Variants in SCN9A observed in about 807,000 individuals in gnomAD.
The protein encoded by SCN9A is sodium channel protein type 9 subunit alpha.
A neutral mutation model predicts 187.0 loss-of-function variants in SCN9A; 131 were observed. That is an observed-to-expected ratio of 0.70 (90% CI 0.61 to 0.81). The LOEUF is 0.81. Among genes scored for constraint, SCN9A ranks in the 30% least tolerant of loss-of-function variants. The pLI, the probability that SCN9A is intolerant of heterozygous loss-of-function variation, is 0.00. For synonymous variants in SCN9A, 809 were observed against 808.6 expected (o/e 1.00, Z -0.01); for missense variants, 2,252 against 2,396.6 (o/e 0.94, Z 1.26).
chr2:166,213,493 A>G (rs1281249337), intron 24 of SCN9A, among the ~76,000 whole-genome samples: 1 of 147,440 alleles, frequency 6.8e-6, no homozygotes, highest in Non-Finnish European at 1.5e-5. Flanking sequence ...TAATAATAAT[A>G]ATGATAATGA....
chr2:166,367,435 G>C (rs1700444346), intron 1 of SCN9A, among the ~76,000 whole-genome samples: 1 of 151,784 alleles, frequency 6.6e-6, no homozygotes, highest in Non-Finnish European at 1.5e-5. Flanking sequence ...GATAGTTTTT[G>C]TATTTTTTTT....
chr2:166,204,918 A>C (rs1463609484), intron 24 of SCN9A: 1 of 152,486 alleles, frequency 6.6e-6, no homozygotes, highest in Admixed American at 6.5e-5. Flanking sequence ...CAATTACTAC[A>C]AAGAGAATAA....
At position 166,212,462 on chromosome 2, in the gene SCN9A, C is replaced by T. The variant is rs191451774; in HGVS notation, c.4399-7998G>A. On this transcript the variant is annotated intron_variant, in intron 24 of 26. Transcript: ENST00000642356. ...ATAACAATTATAAATATATGTGAAT[C>T]CATCATCAAAGCATGTAAATACGTA... 2.6e-3 allele frequency among the ~76,000 whole-genome samples: 395 copies of T among 152,264 alleles called. 1 individual carries two copies. The highest frequency in any genetic ancestry group is 4.9e-3 in the Non-Finnish European group (333 of 68,010).
intron 21 of SCN9A, 22 bp downstream of exon 21, chr2:166,233,318 A>T (rs1434825729): frequency 1.4e-6 from 2 of 1,471,562 alleles, no homozygotes; most frequent in Non-Finnish European, 9.0e-7. Context: ...TAAGAACATT[A>T]TAAAGTTTAG....
At chr2:166,325,211 T>C (rs986510352) in intron 1 of SCN9A, among the ~76,000 whole-genome samples, 2 of 152,118 alleles carry the variant, frequency 1.3e-5, no homozygotes, top group Admixed American at 1.3e-4. Flanking sequence ...ATCAGGTAAA[T>C]GCATTGCCAT....
At chr2:166,332,409 T>C (rs1699527044) in intron 1 of SCN9A, among the ~76,000 whole-genome samples, 1 of 152,190 alleles carries the variant, frequency 6.6e-6, no homozygotes. Context: ...TCAATATCTT[T>C]GCTTAATATG....
At chr2:166,269,483 T>C (rs574128401) in intron 17 of SCN9A, among the ~76,000 whole-genome samples, 3 of 152,144 alleles carry the variant, frequency 2.0e-5, no homozygotes, top group Admixed American at 6.6e-5. Flanking sequence ...AGAAATTCCA[T>C]TGAGCTATAA....
At chr2:166,238,911 A>T (rs1227089971) in intron 19 of SCN9A, among the ~76,000 whole-genome samples, 1 of 152,212 alleles carries the variant, frequency 6.6e-6, no homozygotes, top group Non-Finnish European at 1.5e-5. Context: ...GGTGCTTCCT[A>T]TGCTTTCCAA....
chr2:166,315,881 A>G (rs1574918331), intron 1 of SCN9A, among the ~76,000 whole-genome samples: 1 of 152,136 alleles, frequency 6.6e-6, no homozygotes, highest in Non-Finnish European at 1.5e-5. Flanking sequence ...AGGAGTTTTC[A>G]TTAGTCAGGC....
Position 166,204,199 on chromosome 2 carries a change from G to C in SCN9A, c.4530C>G (p.Asp1510Glu). Residue 1510 changes from aspartate to glutamate, a missense_variant, in exon 26 of 27, where the codon GAC becomes GAG. By Grantham distance (45) the Asp-to-Glu change is conservative. Coordinates refer to ENST00000642356, the MANE Select transcript of SCN9A (RefSeq NM_001365536.1). ...PGNKIQGCIFDLVTNQAFDIS... is the reference protein window; with the variant it reads ...PGNKIQGCIFELVTNQAFDIS... ...TATCAAAGGCTTGATTTGTCACTAGGTCAAATATACATCCTTGGATTTTGT... is the reference window on the plus strand; with the variant it reads ...TATCAAAGGCTTGATTTGTCACTAGCTCAAATATACATCCTTGGATTTTGT... The C allele has an allele frequency of 6.2e-7, 1 of 1,611,986 alleles. No homozygotes were observed. Among genetic ancestry groups the C allele is most frequent in the Non-Finnish European group, 8.5e-7 (1 of 1,178,760 alleles).
At chr2:166,371,240 G>A (rs1359909778) in intron 1 of SCN9A, among the ~76,000 whole-genome samples, 3 of 152,132 alleles carry the variant, frequency 2.0e-5, no homozygotes, top group South Asian at 2.1e-4. Context: ...TGGAAAGAAC[G>A]GTTTTCTCTA....
At position 166,306,536 on chromosome 2, in the gene SCN9A, G is replaced by T; in HGVS notation, c.441C>A (p.Asn147Lys). The T allele has an allele frequency of 1.3e-6, 2 of 1,576,810 alleles. No individual in the cohort carries two copies. The highest frequency in any genetic ancestry group is 1.7e-6 in the Non-Finnish European group (2 of 1,157,390). The change falls in exon 4 of 27, where the codon AAC becomes AAA. Residue 147 changes from asparagine (N) to lysine (K), a missense_variant. This residue lies in a region of SCN9A where 1,013 missense variants were observed against 997.4 expected (regional missense o/e 1.02). Coordinates refer to ENST00000642356, the MANE Select transcript of SCN9A (RefSeq NM_001365536.1). ...CGACATTTTTGGTCCAGTCCGGTGG[G>T]TTATTCATGGTCATAAATATGCAGT... ...LTNCIFMTMN[N>K]PPDWTKNVEY...
At chr2:166,278,080 C>CA in intron 15 of SCN9A, 60 bp downstream of exon 15, 1 of 1,386,052 alleles carries the variant, frequency 7.2e-7, no homozygotes. Flanking sequence ...AAAAATAATG[C>CA]AAAACCAAAG....
intron 17 of SCN9A, among the ~76,000 whole-genome samples, chr2:166,271,771 T>A (rs1353812280): frequency 2.0e-5 from 3 of 151,612 alleles, no homozygotes; most frequent in Non-Finnish European, 4.4e-5. Context: ...GGCAGGAGGA[T>A]CACTTGAGCC....
intron 7 of SCN9A, among the ~76,000 whole-genome samples, chr2:166,294,957 GTAAA>G (rs1698234259): frequency 6.6e-6 from 1 of 152,088 alleles, no homozygotes; most frequent in Admixed American, 6.6e-5. Flanking sequence ...AAAAATTTAA[GTAAA>G]TAAATAAATA....
Position 166,304,076 on chromosome 2 carries a change from T to C in SCN9A, c.688+162A>G, listed in dbSNP as rs1353199388. ...TTCAATGCTCGGAGAACTCTGAATG[T>C]TCTCAATGCTGAGACATTGCCCAGG... On this transcript the variant is annotated intron_variant, in intron 6 of 26. Coordinates refer to ENST00000642356, the MANE Select transcript of SCN9A (RefSeq NM_001365536.1). 9 of 1,613,500 alleles carry C rather than the reference T, an allele frequency of 5.6e-6. No individual in the cohort carries two copies. In the African/African-American group the frequency reaches 9.3e-5, roughly 17 times the overall value.
chr2:166,286,649 T>C (rs752659426), intron 10 of SCN9A, 26 bp from the exon 11 acceptor site: 3 of 1,479,596 alleles, frequency 2.0e-6, no homozygotes, highest in Non-Finnish European at 1.8e-6. Flanking sequence ...CGTTAACACT[T>C]AAATGAGTCA....
At chr2:166,304,105 A>C in intron 6 of SCN9A, 133 bp downstream of exon 6, 4 of 1,613,652 alleles carry the variant, frequency 2.5e-6, no homozygotes, top group Non-Finnish European at 3.4e-6. Context: ...GCCCAGGTCC[A>C]CAAACTCTGT....
chr2:166,326,189 A>G (rs1699359213), intron 1 of SCN9A, among the ~76,000 whole-genome samples: 1 of 152,204 alleles, frequency 6.6e-6, no homozygotes, highest in Non-Finnish European at 1.5e-5. Flanking sequence ...AAAATTCTAT[A>G]TGTCAATAAC....
Sources: gnomAD v4.1 joint callset for allele counts (sites outside exome capture counted in the v4.1 genomes callset) on GRCh38, gnomAD v4.1.1 for gene constraint, gnomAD v4.1.1 regional missense constraint, MANE v1.5 for transcripts, NCBI Gene and HGNC (gene_info 2026-07-23, HGNC 2026-07-21) for gene names.